The following GPC5 variants were observed in gnomAD, a reference collection of about 807,000 sequenced individuals.
GPC5 encodes the protein glypican-5.
Under a neutral mutation model 53.9 loss-of-function variants are expected in GPC5, and 47 were observed. That is an observed-to-expected ratio of 0.87 (90% CI 0.69 to 1.11). GPC5 has a LOEUF of 1.11. GPC5 is among the 50% of genes most tolerant of loss of function. The pLI, the probability that GPC5 is intolerant of heterozygous loss-of-function variation, is 0.00. For missense variants in GPC5, 748 were observed against 713.1 expected (o/e 1.05, Z -0.56); for synonymous variants, 286 against 263.3 (o/e 1.09, Z -0.84).
At chr13:91,900,689 GAGGGGTTTAAGAAAAGGCTA>G (rs906565296) in intron 5 of GPC5, among the ~76,000 whole-genome samples, 18 of 152,066 alleles carry the variant, frequency 1.2e-4, no homozygotes, top group Admixed American at 1.2e-3. Context: ...TAAGATTGGG[GAGGGGTTTAAGAAAAGGCTA>G]AGCAATGTTC....
intron 7 of GPC5, among the ~76,000 whole-genome samples, chr13:92,385,399 CACATAT>C (rs2043787645): frequency 1.7e-5 from 1 of 57,608 alleles, no homozygotes; most frequent in African/African-American, 6.2e-5. Flanking sequence ...TACATATATA[CACATAT>C]ATACACATAT....
intron 2 of GPC5, among the ~76,000 whole-genome samples, chr13:91,677,549 G>A (rs914484407): frequency 1.3e-5 from 2 of 152,114 alleles, no homozygotes; most frequent in African/African-American, 4.8e-5. Flanking sequence ...GGGGCATTTG[G>A]CAGATGAATT....
chr13:91,863,111 A>G (rs1363666515), intron 5 of GPC5, among the ~76,000 whole-genome samples: 1 of 139,706 alleles, frequency 7.2e-6, no homozygotes, highest in Non-Finnish European at 1.5e-5. Flanking sequence ...TTCTGTTTTG[A>G]ATGCCTCCAT....
At chr13:92,254,289 A>T (rs770131716) in intron 7 of GPC5, among the ~76,000 whole-genome samples, 12 of 152,172 alleles carry the variant, frequency 7.9e-5, no homozygotes, top group Non-Finnish European at 1.2e-4. Context: ...CATTTAAATA[A>T]TTATACTCTA....
chr13:92,074,788 T>G lies in GPC5; in HGVS notation c.1402-70042T>G, dbSNP rs150625190. On this transcript the variant is annotated intron_variant, in intron 6 of 7. Transcript: ENST00000377067. ...ACCAGAATAATAGGAGGGTAGGAAC[T>G]AAGCCAAAAATCAAAGTGATTCCTT... 9.1e-3 allele frequency among the ~76,000 whole-genome samples: 1,386 copies of G among 152,266 alleles called. 9 individuals are homozygous for G. Among genetic ancestry groups the G allele is most frequent in the Non-Finnish European group, 0.013 (882 of 68,010 alleles).
chr13:91,987,355 G>A (rs1264060002), intron 6 of GPC5, among the ~76,000 whole-genome samples: 1 of 152,100 alleles, frequency 6.6e-6, no homozygotes, highest in Admixed American at 6.5e-5. Flanking sequence ...TTAACAGCAA[G>A]GACTGTGAGA....
rs565840881 is a variant in GPC5 at position 91,563,149 on chromosome 13, A to C, written c.325+114227A>C. ...ATTTTACTCTGTGCTAAAAATCGCAAGTAACAAGTTTAAAATTACAAAAAT... is the reference window on the plus strand; with the variant it reads ...ATTTTACTCTGTGCTAAAAATCGCACGTAACAAGTTTAAAATTACAAAAAT... On this transcript the variant is annotated intron_variant, in intron 2 of 7. Transcript: ENST00000377067. Among the ~76,000 whole-genome samples the C allele has an allele frequency of 1.3e-3, 197 of 152,276 alleles. 1 individual carries two copies. Among genetic ancestry groups the C allele is most frequent in the African/African-American group, 4.6e-3 (191 of 41,568 alleles).
chr13:91,650,717 ACTGTGAACAT>A (rs1245288101), intron 2 of GPC5, among the ~76,000 whole-genome samples: 1 of 150,006 alleles, frequency 6.7e-6, no homozygotes, highest in Non-Finnish European at 1.5e-5. Context: ...TAGAAAAAGA[ACTGTGAACAT>A]CTGTGAAACA....
chr13:92,522,095 G>A (rs1182756538), intron 7 of GPC5, among the ~76,000 whole-genome samples: 18 of 152,102 alleles, frequency 1.2e-4, no homozygotes, highest in African/African-American at 3.4e-4. Flanking sequence ...TTAGAATGGC[G>A]ATCGTTAAAA....
chr13:91,976,508 A>G (rs2040303615), intron 6 of GPC5, among the ~76,000 whole-genome samples: 1 of 152,168 alleles, frequency 6.6e-6, no homozygotes. Context: ...GAGTTTATAT[A>G]GCAGAGAAGG....
intron 6 of GPC5, among the ~76,000 whole-genome samples, chr13:91,915,797 G>A (rs1594660993): frequency 6.6e-6 from 1 of 152,038 alleles, no homozygotes; most frequent in Non-Finnish European, 1.5e-5. Context: ...AATAATTGAA[G>A]TCACTGAAAT....
intron 5 of GPC5, among the ~76,000 whole-genome samples, chr13:91,874,253 C>A (rs185273943): frequency 2.6e-5 from 4 of 152,152 alleles, no homozygotes; most frequent in Admixed American, 2.6e-4. Context: ...TTTATAGTCA[C>A]CCTGTATGTG....
chr13:91,498,618 A>G (rs1471752666), intron 2 of GPC5, among the ~76,000 whole-genome samples: 1 of 152,140 alleles, frequency 6.6e-6, no homozygotes, highest in Non-Finnish European at 1.5e-5. Flanking sequence ...GCAGTAAAAT[A>G]TCCATATTTG....
chr13:91,506,250 C>T (rs940875861), intron 2 of GPC5, among the ~76,000 whole-genome samples: 2 of 151,896 alleles, frequency 1.3e-5, no homozygotes, highest in Non-Finnish European at 2.9e-5. Flanking sequence ...TTTACTAGAG[C>T]ATAATAAATA....
intron 1 of GPC5, among the ~76,000 whole-genome samples, chr13:91,437,740 A>G (rs1782576486): frequency 6.6e-6 from 1 of 152,192 alleles, no homozygotes; most frequent in South Asian, 2.1e-4. Flanking sequence ...CCTGGATAAT[A>G]TCCTGCAGAG....
At chr13:92,482,591 C>T (rs142739747) in intron 7 of GPC5, among the ~76,000 whole-genome samples, 28 of 152,126 alleles carry the variant, frequency 1.8e-4, no homozygotes, top group African/African-American at 6.7e-4. Context: ...TTAAATACTA[C>T]TAGTTATATA....
chr13:91,623,484 C>A (rs938906136), intron 2 of GPC5, among the ~76,000 whole-genome samples: 1 of 152,060 alleles, frequency 6.6e-6, no homozygotes, highest in African/African-American at 2.4e-5. Flanking sequence ...AGAAGCACAG[C>A]AGAGAGTCTC....
chr13:92,077,040 T>G (rs1486449253), intron 6 of GPC5, among the ~76,000 whole-genome samples: 1 of 152,176 alleles, frequency 6.6e-6, no homozygotes, highest in Non-Finnish European at 1.5e-5. Context: ...ACTCAACCAA[T>G]TGTCAATTGG....
intron 6 of GPC5, among the ~76,000 whole-genome samples, chr13:92,014,503 C>T (rs982672312): frequency 9.9e-5 from 15 of 152,074 alleles, no homozygotes; most frequent in African/African-American, 3.4e-4. Flanking sequence ...GACAATGAAC[C>T]TTTAATCAAA....
Sources: allele counts gnomAD v4.1 joint callset (sites outside exome capture counted in the v4.1 genomes callset), GRCh38; gene constraint gnomAD v4.1.1; transcripts MANE v1.5; gene names NCBI Gene and HGNC (gene_info 2026-07-23, HGNC 2026-07-21).